The following KIAA1755 variants were observed in gnomAD, a reference collection of about 807,000 sequenced individuals.
KIAA1755 encodes the protein KIAA1755.
In KIAA1755, 68 loss-of-function variants were observed where a neutral mutation model predicts 91.7. That is an observed-to-expected ratio of 0.74 (90% CI 0.61 to 0.91). The LOEUF (loss-of-function observed/expected upper bound fraction) is 0.91, where lower values mean the gene tolerates loss of function less well. Among genes scored for constraint, KIAA1755 ranks in the 40% least tolerant of loss-of-function variants. The pLI, the probability that KIAA1755 is intolerant of heterozygous loss-of-function variation, is 0.00. For synonymous variants in KIAA1755, 610 were observed against 604.6 expected, an observed-to-expected ratio of 1.01 and a Z score of -0.13; for missense variants, 1,535 against 1,494.4, an observed-to-expected ratio of 1.03 and a Z score of -0.45.
chr20:38,213,805 A>C (rs1334180038), intron 13 of KIAA1755, 62 bp from the exon 14 acceptor site: 24 of 1,203,022 alleles, frequency 2.0e-5, no homozygotes, highest in Admixed American at 2.9e-5. Flanking sequence ...TGGAGGACTG[A>C]ATTAATAAGT....
rs979527643 is a variant in KIAA1755, at chr20:38,213,407, C to T, written c.3238G>A (p.Val1080Met). ...RRGVAAKGQG[V>M]SVEVTSKGRW... ...CCCTTGGAAGTGACCTCTACACTCA[C>T]ACCCTGGCCCTTGGCTGCCACCCCT... is the stretch of plus-strand genomic sequence containing the variant. Residue 1080 changes from valine to methionine, a missense_variant, in exon 14 of 14, where the codon GTG (valine) becomes ATG (methionine). By Grantham distance (21) the Val-to-Met change is conservative. Coordinates refer to ENST00000279024, the MANE Select transcript of KIAA1755 (RefSeq NM_001029864.2). The T allele has an allele frequency of 4.4e-6, 7 of 1,600,012 alleles. No homozygotes were observed. In the African/African-American group the frequency reaches 9.4e-5, roughly 21 times the overall value.
At chr20:38,238,109 C>T (rs901167245) in intron 4 of KIAA1755, among the ~76,000 whole-genome samples, 3 of 152,106 alleles carry the variant, frequency 2.0e-5, no homozygotes, top group African/African-American at 7.2e-5. Context: ...TCCAAGGACA[C>T]ACAGGGAGCT....
chr20:38,221,144 G>A (rs1271679608), intron 10 of KIAA1755, among the ~76,000 whole-genome samples: 1 of 152,236 alleles, frequency 6.6e-6, no homozygotes, highest in Non-Finnish European at 1.5e-5. Flanking sequence ...GTGGCCCAGG[G>A]TGCGTGAATA....
chr20:38,216,778 G>C (rs1185893662), intron 13 of KIAA1755: 2 of 459,648 alleles, frequency 4.4e-6, no homozygotes. Context: ...CAAGTAAGGT[G>C]TGTGAAGTGC....
intron 9 of KIAA1755, chr20:38,222,971 C>T: frequency 3.1e-6 from 1 of 324,088 alleles, no homozygotes; most frequent in South Asian, 2.8e-5. Flanking sequence ...CGAACTGAAT[C>T]CCAGCCCAAC....
At chr20:38,249,047 T>C (rs1300185168) in intron 1 of KIAA1755, among the ~76,000 whole-genome samples, 7 of 152,078 alleles carry the variant, frequency 4.6e-5, no homozygotes, top group African/African-American at 1.4e-4. Flanking sequence ...AGCTAATTTT[T>C]GTATTTTTGG....
At chr20:38,256,221 A>T (rs2076336755) in intron 1 of KIAA1755, among the ~76,000 whole-genome samples, 1 of 152,142 alleles carries the variant, frequency 6.6e-6, no homozygotes, top group African/African-American at 2.4e-5. Flanking sequence ...TTCCTAACAC[A>T]GAGATCCAAC....
chr20:38,219,375 G>C (rs1215657881), intron 11 of KIAA1755, among the ~76,000 whole-genome samples: 1 of 152,224 alleles, frequency 6.6e-6, no homozygotes, highest in African/African-American at 2.4e-5. Flanking sequence ...CAACGGCTCT[G>C]GCCCAGGGCT....
Position 38,217,066 on chromosome 20 carries a change from C to T in KIAA1755, c.2901+187G>A. 3 of 638,430 alleles carry T rather than the reference C, an allele frequency of 4.7e-6. No homozygotes were observed. In the South Asian group the frequency reaches 5.4e-5, roughly 11 times the overall value. The allele number at this position is 638,430 out of a possible 1,614,324, so 39.5% of individuals were successfully genotyped here. A position where few individuals can be genotyped will look rare whatever the true frequency, so the allele number is the denominator to read the frequency against. ...TCTGGGTATCCCTGTCCCTGCTGTG[C>T]CCCCAGCCAGGGGATGGGGGTGGTG... On this transcript the variant is annotated intron_variant, in intron 13 of 13. Transcript: ENST00000279024.
At position 38,227,239 on chromosome 20, in the gene KIAA1755, G is replaced by A; in HGVS notation, c.1967C>T (p.Ala656Val). 1 of 1,613,284 alleles carries A rather than the reference G, an allele frequency of 6.2e-7. No individual in the cohort carries two copies. Among genetic ancestry groups the A allele is most frequent in the South Asian group, 1.1e-5 (1 of 91,020 alleles). The change falls in exon 7 of 14, where the codon GCT becomes GTT. Residue 656 changes from alanine (A) to valine (V), a missense_variant and splice_region_variant. Ala to Val is a moderately conservative substitution (Grantham distance 64). Transcript: ENST00000279024. ...GLVSALQATQ[A>V]QVPASIRAIL... is the part of the protein sequence containing the mutation. The stretch of plus-strand genomic sequence containing the variant: ...AGCCCGGATAGAGGCTGGGACCTGA[G>A]CCTGTCAAAGACAACCACTGCAGAG...
intron 13 of KIAA1755, among the ~76,000 whole-genome samples, chr20:38,216,536 G>T (rs1424102005): frequency 6.6e-6 from 1 of 152,202 alleles, no homozygotes; most frequent in Non-Finnish European, 1.5e-5. Context: ...AGCCATGGGG[G>T]TCCCTGTCCC....
chr20:38,225,614 G>T, intron 8 of KIAA1755, 51 bp downstream of exon 8: 1 of 1,091,992 alleles, frequency 9.2e-7, no homozygotes, highest in Non-Finnish European at 1.4e-6. Flanking sequence ...AGAGTGAAGA[G>T]AAGAAGAGAA....
intron 13 of KIAA1755, 62 bp downstream of exon 13, chr20:38,217,191 C>A: frequency 7.0e-7 from 1 of 1,430,982 alleles, no homozygotes; most frequent in South Asian, 1.3e-5. Context: ...GTATCCCTGT[C>A]CCCACCATAG....
chr20:38,234,464 C>T (rs748129180), intron 4 of KIAA1755, among the ~76,000 whole-genome samples: 1 of 152,206 alleles, frequency 6.6e-6, no homozygotes, highest in Non-Finnish European at 1.5e-5. Context: ...TGTTGCATCC[C>T]TGTGCTCAGC....
chr20:38,245,755 T>C (rs1303955142), intron 2 of KIAA1755, among the ~76,000 whole-genome samples, 174 bp downstream of exon 2: 1 of 152,158 alleles, frequency 6.6e-6, no homozygotes, highest in Non-Finnish European at 1.5e-5. Flanking sequence ...TCCCCTTCGA[T>C]CTGGGGGGCT....
At chr20:38,215,493 G>C (rs548192355) in intron 13 of KIAA1755, among the ~76,000 whole-genome samples, 1 of 152,200 alleles carries the variant, frequency 6.6e-6, no homozygotes, top group Non-Finnish European at 1.5e-5. Context: ...CGAGTGACAA[G>C]GACCAGGACA....
intron 1 of KIAA1755, among the ~76,000 whole-genome samples, chr20:38,249,328 G>C (rs1433712392): frequency 6.6e-6 from 1 of 152,210 alleles, no homozygotes; most frequent in African/African-American, 2.4e-5. Context: ...TGTTGCCCAG[G>C]GGGGCAAAGG....
Position 38,212,899 on chromosome 20 carries a change from T to C in KIAA1755, c.*143A>G, listed in dbSNP as rs1318046562. On this transcript the variant is annotated 3_prime_UTR_variant, in exon 14 of 14. Coordinates refer to ENST00000279024, the MANE Select transcript of KIAA1755 (RefSeq NM_001029864.2). ...GGAGCCAGGGGCAGGTCGACAGTTC[T>C]CATCCTCCCAGCAGAGGCAGAATGT... is the stretch of plus-strand genomic sequence containing the variant. 3.1e-6 allele frequency: 2 copies of C among 647,848 alleles called. No homozygotes were observed. The highest frequency in any genetic ancestry group is 3.6e-5 in the African/African-American group (2 of 55,088). 40.1% of individuals were successfully genotyped at this position (647,848 alleles called of 1,614,324 possible).
Position 38,241,065 on chromosome 20 carries a change from C to T in KIAA1755, c.1066G>A (p.Val356Ile). Reference protein sequence around the residue: ...RPYNLGFRRKVNLKAPTHNSE... With the variant: ...RPYNLGFRRKINLKAPTHNSE... ...TTGTGGGTGGGTGCTTTAAGATTGA[C>T]CTTTCTCCTGAAGCCCAAATTATAG... Residue 356 changes from valine (V) to isoleucine (I), a missense_variant, in exon 3 of 14, where the codon GTC becomes ATC. Val to Ile is a conservative substitution (Grantham distance 29, BLOSUM62 3). Coordinates refer to ENST00000279024, the MANE Select transcript of KIAA1755 (RefSeq NM_001029864.2). 2 of 1,614,142 alleles carry T rather than the reference C, an allele frequency of 1.2e-6. No individual in the cohort carries two copies. Among genetic ancestry groups the T allele is most frequent in the South Asian group, 2.2e-5 (2 of 91,088 alleles).
Sources: gnomAD v4.1 joint callset for allele counts (sites outside exome capture counted in the v4.1 genomes callset) on GRCh38, gnomAD v4.1.1 for gene constraint, MANE v1.5 for transcripts, NCBI Gene and HGNC (gene_info 2026-07-23, HGNC 2026-07-21) for gene names.